The following UGGT1 variants were observed in gnomAD, a reference collection of about 807,000 sequenced individuals.
UGGT1 encodes UDP-glucose glycoprotein glucosyltransferase 1.
UGGT1 carries 107 observed loss-of-function variants against 203.9 expected under a neutral mutation model. That is an observed-to-expected ratio of 0.52 (90% CI 0.45 to 0.62). The LOEUF (loss-of-function observed/expected upper bound fraction) is 0.62. Ranked by LOEUF, UGGT1 falls within the 20% of genes least tolerant of loss-of-function variation. UGGT1 has a pLI of 0.00. For synonymous variants in UGGT1, 628 were observed against 653.5 expected, an observed-to-expected ratio of 0.96 and a Z score of 0.59; for missense variants, 1,673 against 1,867.2, an observed-to-expected ratio of 0.90 and a Z score of 1.92.
At chr2:128,180,750 G>A in intron 35 of UGGT1, 140 bp from the exon 36 acceptor site, 1 of 792,184 alleles carries the variant, frequency 1.3e-6, no homozygotes, top group Non-Finnish European at 2.0e-6. Context: ...TCATGAGTGG[G>A]TCACGGCCGG....
Position 128,192,197 on chromosome 2 carries a change from T to G in UGGT1, c.*2455T>G, listed in dbSNP as rs1001525587. On this transcript the variant is annotated 3_prime_UTR_variant, in exon 41 of 41. Coordinates refer to ENST00000259253, the MANE Select transcript of UGGT1 (RefSeq NM_020120.4). The stretch of plus-strand genomic sequence containing the variant: ...GCCATTCTAATATAAGTCAGCTTAA[T>G]AGTTGACTCTGAATAATGCAAAACC... 1.1e-4 allele frequency: 17 copies of G among 152,154 alleles called. No homozygotes were observed. Among genetic ancestry groups the G allele is most frequent in the African/African-American group, 4.1e-4 (17 of 41,492 alleles). The allele number at this position is 152,154 out of a possible 1,614,324, so 9.4% of individuals were successfully genotyped here.
chr2:128,126,908 C>T (rs2105407452), intron 11 of UGGT1, among the ~76,000 whole-genome samples: 1 of 152,152 alleles, frequency 6.6e-6, no homozygotes, highest in African/African-American at 2.4e-5. Context: ...GTCTCCAACT[C>T]CTGGCCTCAA....
At position 128,177,877 on chromosome 2, in the gene UGGT1, G is replaced by A. The variant is rs1203184293; in HGVS notation, c.3670G>A (p.Gly1224Arg). 1.1e-5 allele frequency: 18 copies of A among 1,604,974 alleles called. No individual in the cohort carries two copies. The highest frequency in any genetic ancestry group is 1.5e-5 in the Non-Finnish European group (18 of 1,176,184). Residue 1224 changes from glycine to arginine, a missense_variant, in exon 33 of 41, where the codon GGA becomes AGA. By Grantham distance (125) the Gly-to-Arg change is moderately radical (BLOSUM62 -2). Transcript: ENST00000259253. ...DMVNEDLLSDGTSENESGFWD... is the reference protein window; with the variant it reads ...DMVNEDLLSDRTSENESGFWD... ...GGTGAACGAAGACTTGCTGAGTGAT[G>A]GAACGAGTGAGAATGAATCTGGATT...
Position 128,113,089 on chromosome 2 carries a change from A to G in UGGT1, c.527A>G (p.Lys176Arg). The G allele has an allele frequency of 6.7e-7, 1 of 1,501,364 alleles. No individual in the cohort carries two copies. Among genetic ancestry groups the G allele is most frequent in the Non-Finnish European group, 8.9e-7 (1 of 1,120,034 alleles). 93.0% of individuals were successfully genotyped at this position (1,501,364 alleles called of 1,614,324 possible). A position where few individuals can be genotyped will look rare whatever the true frequency, so the allele number is the denominator to read the frequency against. The change falls in exon 6 of 41, where the codon AAA (lysine) becomes AGA (arginine). Residue 176 changes from lysine (K) to arginine (R), a missense_variant. Physicochemically the swap from Lys to Arg is conservative, Grantham distance 26. Around this residue, in one of 4 missense-constraint regions of UGGT1, gnomAD observed 1,073 missense variants for 1,078.7 expected, o/e 0.99. Coordinates refer to ENST00000259253, the MANE Select transcript of UGGT1 (RefSeq NM_020120.4). Reference protein sequence around the residue: ...ALLLTASERPKPLLFKGDHRY... With the variant: ...ALLLTASERPRPLLFKGDHRY... ...CTTTTATTATTTATTTTCAGACCCAAACCTTTATTGTTCAAAGGAGATCAC... is the reference window on the plus strand; with the variant it reads ...CTTTTATTATTTATTTTCAGACCCAGACCTTTATTGTTCAAAGGAGATCAC...
intron 36 of UGGT1, among the ~76,000 whole-genome samples, chr2:128,181,544 A>G (rs1691688373): frequency 6.6e-6 from 1 of 152,262 alleles, no homozygotes; most frequent in African/African-American, 2.4e-5. Context: ...AAACTCAAAC[A>G]GCATAAGTGT....
chr2:128,143,009 C>T, intron 16 of UGGT1, 85 bp from the exon 17 acceptor site: 1 of 1,318,532 alleles, frequency 7.6e-7, no homozygotes, highest in Non-Finnish European at 1.0e-6. Flanking sequence ...AGTATATTTT[C>T]CTCTAAATTC....
chr2:128,133,371 C>A (rs1043231669), intron 14 of UGGT1, 111 bp downstream of exon 14: 4 of 1,373,686 alleles, frequency 2.9e-6, no homozygotes, highest in South Asian at 1.2e-5. Flanking sequence ...CTTCCTCCCC[C>A]ACCCTTCACC....
At chr2:128,108,100 T>A in intron 4 of UGGT1, 32 bp downstream of exon 4, 1 of 1,613,022 alleles carries the variant, frequency 6.2e-7, no homozygotes, top group East Asian at 2.2e-5. Context: ...AACAGCATTT[T>A]AGAGTGTATA....
intron 25 of UGGT1, among the ~76,000 whole-genome samples, chr2:128,163,293 T>C (rs934341096): frequency 5.9e-5 from 9 of 151,934 alleles, no homozygotes; most frequent in Non-Finnish European, 1.3e-4. Flanking sequence ...TATGTAGGCT[T>C]AATTACAGTT....
chr2:128,175,048 A>G (rs554539984), intron 31 of UGGT1, among the ~76,000 whole-genome samples, 190 bp downstream of exon 31: 5 of 152,374 alleles, frequency 3.3e-5, no homozygotes, highest in Admixed American at 2.6e-4. Context: ...AATAAGAGGT[A>G]TAGATGCTAA....
intron 29 of UGGT1, among the ~76,000 whole-genome samples, chr2:128,173,371 A>G (rs1691213240): frequency 6.6e-6 from 1 of 152,222 alleles, no homozygotes; most frequent in African/African-American, 2.4e-5. Context: ...ACGTGAGTAC[A>G]GGATGTCTTT....
chr2:128,189,680 CA>C (rs771183215), intron 40 of UGGT1, 36 bp from the exon 41 acceptor site: 2 of 1,601,532 alleles, frequency 1.2e-6, no homozygotes, highest in South Asian at 2.2e-5. Context: ...ATTTGAAGAT[CA>C]TCTGTTTTCT....
intron 22 of UGGT1, among the ~76,000 whole-genome samples, chr2:128,157,837 G>A (rs1690315487): frequency 6.6e-6 from 1 of 152,198 alleles, no homozygotes; most frequent in African/African-American, 2.4e-5. Context: ...TGAGTGAGTG[G>A]CAATGGCAGG....
intron 38 of UGGT1, among the ~76,000 whole-genome samples, chr2:128,186,077 A>G (rs1385296612): frequency 1.3e-5 from 2 of 152,148 alleles, no homozygotes; most frequent in Admixed American, 1.3e-4. Flanking sequence ...CAGTAGGAGT[A>G]TTTTTCTCAG....
intron 2 of UGGT1, among the ~76,000 whole-genome samples, chr2:128,101,225 T>C (rs1687361532): frequency 6.6e-6 from 1 of 152,208 alleles, no homozygotes; most frequent in South Asian, 2.1e-4. Context: ...CTTATGTCTG[T>C]GGGAGACCCT....
intron 4 of UGGT1, among the ~76,000 whole-genome samples, chr2:128,108,529 A>C (rs1022396644): frequency 1.1e-4 from 17 of 151,690 alleles, no homozygotes; most frequent in African/African-American, 4.1e-4. Flanking sequence ...ATTGAAAAGA[A>C]AAAGAGGGAC....
At chr2:128,128,747 T>C (rs1475966860) in intron 12 of UGGT1, among the ~76,000 whole-genome samples, 2 of 152,228 alleles carry the variant, frequency 1.3e-5, no homozygotes, top group South Asian at 2.1e-4. Context: ...GCATATATAA[T>C]GTAGTATCTC....
rs1460506690 is a variant in UGGT1, at chr2:128,183,781, C to A, written c.4351C>A (p.Leu1451Ile). The change falls in exon 38 of 41, where the codon CTT becomes ATT. Residue 1451 changes from leucine (L) to isoleucine (I), a missense_variant. Transcript: ENST00000259253. ...LSQDPNSLSN[L>I]DQDLPNNMIH... ...TCAGGACCCTAACAGCCTTTCAAAT[C>A]TTGATCAAGTAAGTGTCCATTTTTT... The A allele has an allele frequency of 6.2e-7, 1 of 1,613,404 alleles. No homozygotes were observed.
At chr2:128,091,797 G>T (rs1300558585) in intron 1 of UGGT1, among the ~76,000 whole-genome samples, 3 of 152,210 alleles carry the variant, frequency 2.0e-5, no homozygotes, top group Admixed American at 6.5e-5. Flanking sequence ...TTTTAAAATA[G>T]ATTTCAATTT....
Sources: allele counts gnomAD v4.1 joint callset (sites outside exome capture counted in the v4.1 genomes callset), GRCh38; gene constraint gnomAD v4.1.1; regional missense constraint gnomAD v4.1.1; transcripts MANE v1.5; gene names NCBI Gene and HGNC (gene_info 2026-07-23, HGNC 2026-07-21).